MALRD1: variants seen among roughly 807,000 people sequenced by gnomAD.
MALRD1 encodes MAM and LDL-receptor class A domain-containing protein 1.
In MALRD1, 247 loss-of-function variants were observed where a neutral mutation model predicts 242.1. The observed-to-expected ratio is 1.02, with a 90% CI of 0.92 to 1.13. The LOEUF (loss-of-function observed/expected upper bound fraction) is 1.13. MALRD1 is among the 50% of genes most tolerant of loss of function. MALRD1 has a pLI of 0.00. For missense variants in MALRD1, 2,989 were observed against 2,533.1 expected, an observed-to-expected ratio of 1.18 and a Z score of -3.86; for synonymous variants, 995 against 866.6, an observed-to-expected ratio of 1.15 and a Z score of -2.60.
At chr10:19,276,644 G>A (rs570884491) in intron 19 of MALRD1, among the ~76,000 whole-genome samples, 3 of 152,068 alleles carry the variant, frequency 2.0e-5, no homozygotes, top group Non-Finnish European at 4.4e-5. Flanking sequence ...ATTCAAAAAT[G>A]ATAAAATGAT....
chr10:19,105,577 C>T (rs1313342997), intron 5 of MALRD1, among the ~76,000 whole-genome samples: 1 of 151,912 alleles, frequency 6.6e-6, no homozygotes, highest in Non-Finnish European at 1.5e-5. Context: ...TCATTTGGTA[C>T]TTCTATTTTC....
chr10:19,354,258 C>T (rs1390278302), intron 26 of MALRD1, among the ~76,000 whole-genome samples: 1 of 151,894 alleles, frequency 6.6e-6, no homozygotes, highest in African/African-American at 2.4e-5. Context: ...ATGAATCATA[C>T]CAGAGCTCTT....
chr10:19,110,225 C>A (rs116794223), intron 5 of MALRD1, among the ~76,000 whole-genome samples: 1 of 152,138 alleles, frequency 6.6e-6, no homozygotes, highest in Non-Finnish European at 1.5e-5. Context: ...TAACATCACT[C>A]CAGTCCGTGC....
At chr10:19,449,525 C>G (rs1835199801) in intron 28 of MALRD1, among the ~76,000 whole-genome samples, 1 of 150,118 alleles carries the variant, frequency 6.7e-6, no homozygotes, top group African/African-American at 2.5e-5. Context: ...TAATATGCCT[C>G]TGTTTTGGTG....
At chr10:19,584,014 A>T (rs924191480) in intron 33 of MALRD1, among the ~76,000 whole-genome samples, 5 of 151,906 alleles carry the variant, frequency 3.3e-5, no homozygotes, top group Non-Finnish European at 7.4e-5. Context: ...ATTTGTGTAG[A>T]GGCGTTTGTA....
intron 26 of MALRD1, among the ~76,000 whole-genome samples, chr10:19,372,946 T>C (rs2130754203): frequency 6.6e-6 from 1 of 152,274 alleles, no homozygotes; most frequent in South Asian, 2.1e-4. Flanking sequence ...TATTTTTCGC[T>C]ATCATTATAT....
At chr10:19,151,254 T>G (rs1229426317) in intron 11 of MALRD1, among the ~76,000 whole-genome samples, 1 of 152,128 alleles carries the variant, frequency 6.6e-6, no homozygotes. Context: ...TTTTACAGCT[T>G]TCGGGGTAGA....
intron 28 of MALRD1, among the ~76,000 whole-genome samples, chr10:19,433,001 A>G (rs1834205953): frequency 6.6e-6 from 1 of 152,198 alleles, no homozygotes; most frequent in Admixed American, 6.6e-5. Context: ...GCACACATAT[A>G]TGTATATATA....
At chr10:19,483,794 A>G (rs1388935282) in intron 29 of MALRD1, among the ~76,000 whole-genome samples, 4 of 152,106 alleles carry the variant, frequency 2.6e-5, no homozygotes, top group African/African-American at 9.7e-5. Context: ...AAGAAAAGAA[A>G]TATTTCTACT....
intron 2 of MALRD1, among the ~76,000 whole-genome samples, chr10:19,070,547 A>G (rs1835112648): frequency 6.6e-6 from 1 of 152,112 alleles, no homozygotes; most frequent in Non-Finnish European, 1.5e-5. Flanking sequence ...TTTAGTTTAA[A>G]AAAGTTCTCT....
intron 10 of MALRD1, among the ~76,000 whole-genome samples, chr10:19,139,253 G>A (rs1187587481): frequency 6.6e-6 from 1 of 152,130 alleles, no homozygotes; most frequent in Non-Finnish European, 1.5e-5. Context: ...TGTGCATATA[G>A]ACACGTGCAT....
intron 18 of MALRD1, among the ~76,000 whole-genome samples, chr10:19,254,079 G>A (rs1012003298): frequency 6.6e-6 from 1 of 151,972 alleles, no homozygotes; most frequent in African/African-American, 2.4e-5. Flanking sequence ...CCAGCCCTAC[G>A]GAACTGTGAG....
intron 28 of MALRD1, among the ~76,000 whole-genome samples, chr10:19,392,337 T>C (rs1406038985): frequency 6.6e-6 from 1 of 152,188 alleles, no homozygotes; most frequent in African/African-American, 2.4e-5. Flanking sequence ...AAAACTCATT[T>C]GTTTACTCCC....
intron 33 of MALRD1, among the ~76,000 whole-genome samples, chr10:19,568,078 C>T (rs1460739858): frequency 2.6e-5 from 4 of 152,160 alleles, no homozygotes; most frequent in Non-Finnish European, 4.4e-5. Context: ...TTAAGCTTTT[C>T]CCTTCCCCAG....
At chr10:19,653,579 G>A (rs575170500) in intron 36 of MALRD1, among the ~76,000 whole-genome samples, 2 of 144,054 alleles carry the variant, frequency 1.4e-5, no homozygotes, top group African/African-American at 5.7e-5. Context: ...GTCCTCTTGT[G>A]TTGAAGTTTT....
intron 25 of MALRD1, 55 bp downstream of exon 25, chr10:19,348,073 G>C (rs1345800593): frequency 6.6e-7 from 1 of 1,505,742 alleles, no homozygotes; most frequent in African/African-American, 1.4e-5. Context: ...TTGTGAGCAA[G>C]TTTATAAATT....
intron 33 of MALRD1, among the ~76,000 whole-genome samples, chr10:19,573,627 G>A (rs774003801): frequency 2.6e-5 from 4 of 152,036 alleles, no homozygotes; most frequent in African/African-American, 4.8e-5. Flanking sequence ...ACTACTCATT[G>A]GACCTGATTT....
At position 19,437,738 on chromosome 10, in the gene MALRD1, G is replaced by T. The variant is rs74805817; in HGVS notation, c.4846-12569G>T. The stretch of plus-strand genomic sequence containing the variant: ...AAGGGCTGAGCTTAATTTTAGACCT[G>T]GCAGTCTACCTTCAGAGCCTAGAGG... On this transcript the variant is annotated intron_variant, in intron 28 of 39. Coordinates refer to ENST00000454679, the MANE Select transcript of MALRD1 (RefSeq NM_001142308.3). 4.5e-3 allele frequency among the ~76,000 whole-genome samples: 679 copies of T among 152,120 alleles called. 6 individuals carry two copies. Among genetic ancestry groups the T allele is most frequent in the Non-Finnish European group, 4.6e-3 (311 of 67,994 alleles).
intron 8 of MALRD1, among the ~76,000 whole-genome samples, chr10:19,129,335 T>C (rs377009511): frequency 6.6e-6 from 1 of 152,094 alleles, no homozygotes; most frequent in East Asian, 1.9e-4. Flanking sequence ...CATTTAGTAT[T>C]AAAAATGTAG....
Sources: allele counts gnomAD v4.1 joint callset (sites outside exome capture counted in the v4.1 genomes callset), GRCh38; gene constraint gnomAD v4.1.1; transcripts MANE v1.5; gene names NCBI Gene and HGNC (gene_info 2026-07-23, HGNC 2026-07-21).